The following SPECC1 variants were observed in gnomAD, a reference collection of about 807,000 sequenced individuals.
The protein encoded by SPECC1 is cytospin-B.
In SPECC1, 62 loss-of-function variants were observed where a neutral mutation model predicts 104.1. The observed-to-expected ratio is 0.60, with a 90% confidence interval of 0.49 to 0.74. SPECC1 has a LOEUF of 0.74. SPECC1 is among the 30% of genes least tolerant of loss of function. The pLI is 0.00. For synonymous variants in SPECC1, 513 were observed against 501.6 expected (o/e 1.02, Z -0.30); for missense variants, 1,306 against 1,310.5 (o/e 1.00, Z 0.05).
chr17:20,215,877 C>G (rs1172679902), intron 4 of SPECC1, among the ~76,000 whole-genome samples: 3 of 152,104 alleles, frequency 2.0e-5, no homozygotes, highest in African/African-American at 7.2e-5. Context: ...TTAGATATCT[C>G]TAGCTTGATT....
At chr17:20,279,824 T>C (rs1304825943) in intron 12 of SPECC1, among the ~76,000 whole-genome samples, 1 of 152,166 alleles carries the variant, frequency 6.6e-6, no homozygotes, top group Non-Finnish European at 1.5e-5. Context: ...AGACCACAAC[T>C]CCTGAACTAG....
chr17:20,297,579 C>T (rs925011398), intron 13 of SPECC1, among the ~76,000 whole-genome samples: 159 of 152,308 alleles, frequency 1.0e-3, no homozygotes, highest in African/African-American at 3.3e-3. Context: ...TTAAGGGCCA[C>T]GTAATAGACT....
rs184649248 is a variant in SPECC1 at position 20,285,970 on chromosome 17, T to C, written c.2941-10991T>C. 3.7e-4 allele frequency among the ~76,000 whole-genome samples: 56 copies of C among 152,272 alleles called. No individual in the cohort carries two copies. The East Asian group carries it at 9.8e-3, about 27-fold the overall frequency. On this transcript the variant is annotated intron_variant, in intron 12 of 14. Coordinates refer to ENST00000395527, the MANE Select transcript of SPECC1 (RefSeq NM_001243439.2). ...CTGGGATTATAGGCATGCACTATCATGCCTGGCTAATTTTTACATTTTTTG... is the reference window on the plus strand; with the variant it reads ...CTGGGATTATAGGCATGCACTATCACGCCTGGCTAATTTTTACATTTTTTG...
Position 20,315,580 on chromosome 17 carries a change from C to T in SPECC1, c.*1515C>T. On this transcript the variant is annotated 3_prime_UTR_variant, in exon 15 of 15. Transcript: ENST00000395527. ...AAGGATCATCCTTCCAGTGAGTCAC[C>T]GAGAATGACAGTGACTGCCATTACT... 1 of 232,764 alleles carries T rather than the reference C, an allele frequency of 4.3e-6. No homozygotes were observed. The highest frequency in any genetic ancestry group is 8.5e-6 in the Non-Finnish European group (1 of 117,778). 14.4% of individuals were successfully genotyped at this position (232,764 alleles called of 1,614,324 possible).
chr17:20,089,129 T>G (rs2152498080), intron 1 of SPECC1, among the ~76,000 whole-genome samples: 1 of 152,324 alleles, frequency 6.6e-6, no homozygotes, highest in Middle Eastern at 3.4e-3. Flanking sequence ...AGGCCAGGGT[T>G]AGGCACACAG....
At chr17:20,292,106 G>C (rs1000960295) in intron 12 of SPECC1, among the ~76,000 whole-genome samples, 3 of 151,926 alleles carry the variant, frequency 2.0e-5, no homozygotes, top group Non-Finnish European at 2.9e-5. Flanking sequence ...TTTGGAGATA[G>C]GGTCGCAGCC....
rs2042067673 is a variant in SPECC1, at chr17:20,318,549, C to T, written c.*4484C>T. The T allele has an allele frequency of 8.7e-6, 2 of 229,976 alleles. No homozygotes were observed. The highest frequency in any genetic ancestry group is 1.7e-5 in the Non-Finnish European group (2 of 116,070). The allele number at this position is 229,976 out of a possible 1,614,324, so 14.2% of individuals were successfully genotyped here. A position where few individuals can be genotyped will look rare whatever the true frequency, so the allele number is the denominator to read the frequency against. On this transcript the variant is annotated 3_prime_UTR_variant, in exon 15 of 15. Transcript: ENST00000395527. ...CGTTACGGAGACTCCCTTAGCCTCC[C>T]CCTCCTCTTCCCCACTGAGGGGCAG...
In SPECC1 at chr17:20,298,976, T is replaced by TAGAGAG. The variant is rs146031063; in HGVS notation, c.3057+1914_3057+1919dup. 7.9e-4 allele frequency among the ~76,000 whole-genome samples: 61 copies of TAGAGAG among 77,430 alleles called. 3 individuals are homozygous for TAGAGAG. The highest frequency in any genetic ancestry group is 0.011 in the Middle Eastern group (2 of 190). 50.8% of individuals were successfully genotyped at this position (77,430 alleles called of 152,430 possible). A position where few individuals can be genotyped will look rare whatever the true frequency, so the allele number is the denominator to read the frequency against. On this transcript the variant is annotated intron_variant, in intron 13 of 14. Coordinates refer to ENST00000395527, the MANE Select transcript of SPECC1 (RefSeq NM_001243439.2). ...GTGTGTGTGTGTGTGTGTGTGTATG[T>TAGAGAG]AGAGAGAGAGAGAGAGAGAGGTGGG...
intron 3 of SPECC1, among the ~76,000 whole-genome samples, chr17:20,158,892 A>G (rs907867360): frequency 6.6e-6 from 1 of 151,662 alleles, no homozygotes; most frequent in African/African-American, 2.4e-5. Flanking sequence ...CCAAGTAGCT[A>G]GGACAACAGG....
intron 3 of SPECC1, among the ~76,000 whole-genome samples, chr17:20,144,440 C>T (rs2031233506): frequency 6.6e-6 from 1 of 152,006 alleles, no homozygotes. Context: ...ATCTTCTTGC[C>T]TTGGCCTCCC....
intron 4 of SPECC1, among the ~76,000 whole-genome samples, chr17:20,217,277 G>GTT (rs1207563864): frequency 1.4e-5 from 2 of 144,396 alleles, no homozygotes; most frequent in Non-Finnish European, 3.0e-5. Flanking sequence ...GTGTGTGTGT[G>GTT]TGTGTTTTTT....
chr17:20,114,453 G>A (rs2152527727), intron 3 of SPECC1, among the ~76,000 whole-genome samples: 1 of 150,952 alleles, frequency 6.6e-6, no homozygotes, highest in East Asian at 1.9e-4. Context: ...GCCTCCCAAA[G>A]TGCTGAGATT....
At chr17:20,259,866 G>A (rs1358497666) in intron 11 of SPECC1, among the ~76,000 whole-genome samples, 2 of 152,094 alleles carry the variant, frequency 1.3e-5, no homozygotes, top group African/African-American at 4.8e-5. Flanking sequence ...CATGTAGGGT[G>A]TGTTTTGTTT....
At chr17:20,188,057 G>A (rs1444604024) in intron 3 of SPECC1, among the ~76,000 whole-genome samples, 2 of 152,208 alleles carry the variant, frequency 1.3e-5, no homozygotes, top group African/African-American at 4.8e-5. Flanking sequence ...CTGCTCAACA[G>A]TGGAAGGGGC....
At chr17:20,021,015 G>A (rs1405533641) in intron 1 of SPECC1, among the ~76,000 whole-genome samples, 1 of 152,164 alleles carries the variant, frequency 6.6e-6, no homozygotes, top group Non-Finnish European at 1.5e-5. Flanking sequence ...TTTTGCGTGT[G>A]ATGTGTATTA....
In SPECC1 at chr17:20,317,827, G is replaced by GGCCTTAA. The variant is rs949939782; in HGVS notation, c.*3767_*3768insAAGCCTT. The GGCCTTAA allele has an allele frequency of 2.2e-4, 49 of 225,172 alleles. No homozygotes were observed. The highest frequency in any genetic ancestry group is 9.6e-4 in the African/African-American group (43 of 44,828). 13.9% of individuals were successfully genotyped at this position (225,172 alleles called of 1,614,324 possible). On this transcript the variant is annotated 3_prime_UTR_variant, in exon 15 of 15. Coordinates refer to ENST00000395527, the MANE Select transcript of SPECC1 (RefSeq NM_001243439.2). The stretch of plus-strand genomic sequence containing the variant: ...TGATGGCCTCAGGAGTCCAGGAATA[G>GGCCTTAA]GCCTTCTAGCACAGCAGCTAGTAGG...
chr17:20,116,774 C>G (rs2048775527), intron 3 of SPECC1, among the ~76,000 whole-genome samples: 1 of 146,898 alleles, frequency 6.8e-6, no homozygotes, highest in Non-Finnish European at 1.5e-5. Context: ...CCAGTTCCAA[C>G]CCAGGGAACA....
intron 12 of SPECC1, among the ~76,000 whole-genome samples, chr17:20,289,105 G>T (rs1047212022): frequency 6.6e-6 from 1 of 151,944 alleles, no homozygotes; most frequent in East Asian, 1.9e-4. Flanking sequence ...TTACATGGTG[G>T]TGGTGGCAAG....
At position 20,266,588 on chromosome 17, in the gene SPECC1, A is replaced by AAT. The variant is rs755322421; in HGVS notation, c.2940+6307_2940+6308dup. ...GACAGAGCAAGACTCCGTCTCAAAA[A>AAT]ATATATATATATATTGTAGGTCCTG... On this transcript the variant is annotated intron_variant, in intron 12 of 14. Transcript: ENST00000395527. 3.4e-4 allele frequency among the ~76,000 whole-genome samples: 52 copies of AAT among 151,872 alleles called. No homozygotes were observed. The East Asian group carries it at 7.3e-3, about 21-fold the overall frequency.
Sources: gnomAD v4.1 joint callset for allele counts (sites outside exome capture counted in the v4.1 genomes callset) on GRCh38, gnomAD v4.1.1 for gene constraint, MANE v1.5 for transcripts, NCBI Gene and HGNC (gene_info 2026-07-23, HGNC 2026-07-21) for gene names.